The following CACNA2D1 variants were observed in gnomAD, a reference collection of about 807,000 sequenced individuals.
CACNA2D1 encodes the protein calcium voltage-gated channel auxiliary subunit alpha2delta 1, also known as voltage-dependent calcium channel subunit alpha-2/delta-1.
CACNA2D1 carries 53 observed loss-of-function variants against 171.5 expected under a neutral mutation model. That is an observed-to-expected ratio of 0.31 (90% CI 0.25 to 0.39). The LOEUF (loss-of-function observed/expected upper bound fraction) is 0.39. Among genes scored for constraint, CACNA2D1 ranks in the 10% least tolerant of loss-of-function variants. The pLI is 1.00. For missense variants in CACNA2D1, 903 were observed against 1,299.8 expected (o/e 0.69, Z 4.69); for synonymous variants, 442 against 443.1 (o/e 1.00, Z 0.03).
intron 1 of CACNA2D1, among the ~76,000 whole-genome samples, chr7:82,428,102 ATAAAT>A (rs1255479347): frequency 7.2e-6 from 1 of 139,600 alleles, no homozygotes; most frequent in African/African-American, 3.3e-5. Flanking sequence ...AAAATAAAAA[ATAAAT>A]AAAAAAAAAA....
chr7:82,322,527 G>A (rs1376216229), intron 3 of CACNA2D1, among the ~76,000 whole-genome samples: 1 of 151,874 alleles, frequency 6.6e-6, no homozygotes, highest in Non-Finnish European at 1.5e-5. Flanking sequence ...GCCAAGGCAG[G>A]AAGACTGCCT....
intron 6 of CACNA2D1, among the ~76,000 whole-genome samples, chr7:82,110,933 A>C (rs1788303445): frequency 6.6e-6 from 1 of 151,390 alleles, no homozygotes; most frequent in Non-Finnish European, 1.5e-5. Context: ...TTTACACTCC[A>C]CTCCCCTCCA....
At chr7:81,955,304 T>C (rs920919327) in intron 38 of CACNA2D1, among the ~76,000 whole-genome samples, 3 of 152,172 alleles carry the variant, frequency 2.0e-5, no homozygotes, top group African/African-American at 7.2e-5. Context: ...CAGAAATTGC[T>C]AGTTTTAGCC....
At chr7:82,074,394 A>C (rs954958310) in intron 7 of CACNA2D1, among the ~76,000 whole-genome samples, 1 of 151,878 alleles carries the variant, frequency 6.6e-6, no homozygotes, top group Admixed American at 6.6e-5. Flanking sequence ...CGCCTGGCTA[A>C]TTTTTGTATT....
intron 10 of CACNA2D1, among the ~76,000 whole-genome samples, chr7:82,049,150 C>T (rs1049579047): frequency 4.2e-5 from 6 of 143,718 alleles, no homozygotes; most frequent in Non-Finnish European, 7.6e-5. Flanking sequence ...AAAGAAAAAT[C>T]CTAAATAACC....
intron 10 of CACNA2D1, among the ~76,000 whole-genome samples, chr7:82,055,788 A>G (rs1488450408): frequency 2.9e-5 from 4 of 139,590 alleles, no homozygotes; most frequent in Admixed American, 2.8e-4. Context: ...GGGGAGGGAT[A>G]GCATTAGGAG....
chr7:82,085,907 A>G (rs1471693994), intron 6 of CACNA2D1, among the ~76,000 whole-genome samples: 1 of 152,192 alleles, frequency 6.6e-6, no homozygotes, highest in African/African-American at 2.4e-5. Context: ...CATAATTTAT[A>G]ACTGACCCTT....
chr7:82,352,723 G>A (rs1180693166), intron 1 of CACNA2D1, among the ~76,000 whole-genome samples: 2 of 152,136 alleles, frequency 1.3e-5, no homozygotes, highest in African/African-American at 2.4e-5. Flanking sequence ...GATAGAAGAG[G>A]CTTTCTGGAG....
At chr7:82,179,374 A>C (rs552754825) in intron 3 of CACNA2D1, among the ~76,000 whole-genome samples, 1 of 152,174 alleles carries the variant, frequency 6.6e-6, no homozygotes, top group Admixed American at 6.6e-5. Flanking sequence ...CTAATACTAT[A>C]GTCCTGCTGA....
At chr7:82,021,934 A>C (rs1261129455) in intron 12 of CACNA2D1, among the ~76,000 whole-genome samples, 1 of 151,972 alleles carries the variant, frequency 6.6e-6, no homozygotes, top group Non-Finnish European at 1.5e-5. Context: ...TTTTAACACA[A>C]ACAATGGGCA....
intron 3 of CACNA2D1, among the ~76,000 whole-genome samples, chr7:82,173,736 C>G (rs1019135931): frequency 6.6e-6 from 1 of 151,838 alleles, no homozygotes; most frequent in African/African-American, 2.4e-5. Context: ...TAAATGGCAC[C>G]GGTGAATTGT....
intron 12 of CACNA2D1, chr7:82,020,750 C>G (rs1024224936): frequency 6.6e-6 from 1 of 151,994 alleles, no homozygotes; most frequent in African/African-American, 2.4e-5. Flanking sequence ...TTCTAAATGC[C>G]ATTATGTCCA....
intron 3 of CACNA2D1, among the ~76,000 whole-genome samples, chr7:82,285,141 T>A (rs531306590): frequency 1.3e-5 from 2 of 151,972 alleles, no homozygotes; most frequent in Admixed American, 1.3e-4. Flanking sequence ...CTGATTCCCC[T>A]CTTCCCAGGA....
intron 3 of CACNA2D1, among the ~76,000 whole-genome samples, chr7:82,179,490 A>C (rs1796896708): frequency 6.6e-6 from 1 of 152,134 alleles, no homozygotes; most frequent in African/African-American, 2.4e-5. Context: ...TGAGAACTGC[A>C]TTCTGGTATG....
intron 5 of CACNA2D1, among the ~76,000 whole-genome samples, chr7:82,122,534 G>T (rs957485197): frequency 2.0e-5 from 3 of 152,194 alleles, no homozygotes; most frequent in South Asian, 2.1e-4. Context: ...ATGGAAAAGA[G>T]TTGGAGGCTG....
At chr7:82,170,440 T>C (rs1444398685) in intron 4 of CACNA2D1, 110 bp downstream of exon 4, 1 of 932,350 alleles carries the variant, frequency 1.1e-6, no homozygotes, top group African/African-American at 1.6e-5. Flanking sequence ...TTATTTTTAA[T>C]CCCACAACAT....
At chr7:82,315,073 G>T (rs1441310236) in intron 3 of CACNA2D1, among the ~76,000 whole-genome samples, 1 of 148,854 alleles carries the variant, frequency 6.7e-6, no homozygotes, top group Non-Finnish European at 1.5e-5. Context: ...GGAAGCAGAA[G>T]TTGCAGTGAG....
chr7:82,340,324 G>T (rs78422271), intron 2 of CACNA2D1, among the ~76,000 whole-genome samples: 2,296 of 151,002 alleles, frequency 0.015, 54 homozygotes, highest in East Asian at 0.081. Context: ...CGCTTAATTT[G>T]GCTAAGTTTG....
intron 5 of CACNA2D1, among the ~76,000 whole-genome samples, chr7:82,126,840 T>C (rs1056248136): frequency 3.3e-5 from 5 of 152,188 alleles, no homozygotes; most frequent in African/African-American, 1.2e-4. Flanking sequence ...TTGAGACTTA[T>C]CTCCCATCTC....
Sources: gnomAD v4.1 joint callset for allele counts (sites outside exome capture counted in the v4.1 genomes callset) on GRCh38, gnomAD v4.1.1 for gene constraint, MANE v1.5 for transcripts, NCBI Gene and HGNC (gene_info 2026-07-23, HGNC 2026-07-21) for gene names.